The following DLG4 variants were observed in gnomAD, a reference collection of about 807,000 sequenced individuals.
DLG4 encodes the protein discs large MAGUK scaffold protein 4.
In DLG4, 7 loss-of-function variants were observed where a neutral mutation model predicts 93.8. The ratio of observed to expected loss-of-function variants is 0.07; its 90% CI spans 0.04 to 0.14. The LOEUF (loss-of-function observed/expected upper bound fraction) is 0.14, where lower values mean the gene tolerates loss of function less well. Among genes scored for constraint, DLG4 ranks in the 10% least tolerant of loss-of-function variants. The pLI, the probability that DLG4 is intolerant of heterozygous loss-of-function variation, is 1.00. For missense variants in DLG4, 545 were observed against 992.9 expected (o/e 0.55, Z 6.06); for synonymous variants, 341 against 387.6 (o/e 0.88, Z 1.41).
Position 7,194,127 on chromosome 17 carries a change from T to G in DLG4, c.1479-127A>C. ...GCTGACACCCCTTCTCCTGCAGCCCTGGACACTGTGCTCCTCAATAAGGAG... is the reference window on the plus strand; with the variant it reads ...GCTGACACCCCTTCTCCTGCAGCCCGGGACACTGTGCTCCTCAATAAGGAG... On this transcript the variant is annotated intron_variant, in intron 12 of 19. Coordinates refer to ENST00000399506, the MANE Select transcript of DLG4 (RefSeq NM_001321075.3). The surrounding 1 kb of genome is among the most constrained non-coding windows in gnomAD (Gnocchi z 4.4). 7.3e-7 allele frequency: 1 copy of G among 1,368,752 alleles called. No homozygotes were observed. Among genetic ancestry groups the G allele is most frequent in the Non-Finnish European group, 1.0e-6 (1 of 1,002,008 alleles). The allele number at this position is 1,368,752 out of a possible 1,614,324, so 84.8% of individuals were successfully genotyped here. A position where few individuals can be genotyped will look rare whatever the true frequency, so the allele number is the denominator to read the frequency against.
Position 7,187,311 on chromosome 17 carries a change from G to A in DLG4, c.*3397C>T, listed in dbSNP as rs890330666. 1.6e-5 allele frequency among the ~76,000 whole-genome samples: 2 copies of A among 125,574 alleles called. 1 individual carries two copies. The highest frequency in any genetic ancestry group is 3.7e-5 in the Non-Finnish European group (2 of 53,880). The allele number at this position is 125,574 out of a possible 152,430, so 82.4% of individuals were successfully genotyped here. A position where few individuals can be genotyped will look rare whatever the true frequency, so the allele number is the denominator to read the frequency against. ...TCCTAGCACTTTGGGAGGCCGAGGG[G>A]GGGGGGGGTGGATCACCCGAGGTCA... is the stretch of plus-strand genomic sequence containing the variant. On this transcript the variant is annotated 3_prime_UTR_variant, in exon 20 of 20. Coordinates refer to ENST00000399506, the MANE Select transcript of DLG4 (RefSeq NM_001321075.3).
At chr17:7,205,250 G>A (rs1484331457) in intron 2 of DLG4, 5 of 871,776 alleles carry the variant, frequency 5.7e-6, no homozygotes, top group African/African-American at 1.8e-5. Context: ...CACTTCATTC[G>A]GGAAAGGGTT....
intron 3 of DLG4, 51 bp from the exon 4 acceptor site, chr17:7,204,118 C>T (rs766176537): frequency 7.5e-6 from 12 of 1,599,066 alleles, no homozygotes; most frequent in Non-Finnish European, 1.0e-5. Context: ...CCTGTCTGAC[C>T]ACCTGCCCGT....
intron 1 of DLG4, among the ~76,000 whole-genome samples, chr17:7,210,264 G>T (rs530513401): frequency 3.9e-5 from 6 of 152,188 alleles, no homozygotes; most frequent in Non-Finnish European, 8.8e-5. Context: ...TACAGTAAGA[G>T]AATGGGAGAA....
At chr17:7,219,167 G>A, upstream of DLG4, 1 of 409,316 alleles carries the variant, frequency 2.4e-6, no homozygotes, top group African/African-American at 2.0e-5. Context: ...ACCCCAATGA[G>A]AATTGCAGAA....
At chr17:7,218,586 G>C, upstream of DLG4, 3 of 1,566,966 alleles carry the variant, frequency 1.9e-6, no homozygotes. Flanking sequence ...GTGAGGAGTG[G>C]GGGTGCCCAC....
chr17:7,218,980 C>A, upstream of DLG4: 1 of 944,226 alleles, frequency 1.1e-6, no homozygotes, highest in South Asian at 1.4e-5. Flanking sequence ...CCCCCAGGTC[C>A]CAAGGCACCA....
At chr17:7,215,551 G>T (rs2070873650) in intron 1 of DLG4, among the ~76,000 whole-genome samples, 1 of 152,182 alleles carries the variant, frequency 6.6e-6, no homozygotes, top group African/African-American at 2.4e-5. Context: ...AGGAAACCAG[G>T]CCAGAGAAAC....
chr17:7,196,899 A>G lies in DLG4; in HGVS notation c.941T>C (p.Ile314Thr), dbSNP rs761560906. 12 of 1,613,628 alleles carry G rather than the reference A, an allele frequency of 7.4e-6. No homozygotes were observed. Among genetic ancestry groups the G allele is most frequent in the Admixed American group, 3.3e-5 (2 of 59,974 alleles). ...EEDIPREPRR[I>T]VIHRGSTGLG... ...GCCCGTGGAGCCCCGGTGGATCACA[A>G]TTCGCCTCGGTTCTCGGGGAATGTC... Residue 314 changes from isoleucine to threonine, a missense_variant, in exon 9 of 20, where the codon ATT becomes ACT. By Grantham distance (89) the Ile-to-Thr change is moderately conservative. This residue lies in a region of DLG4 where 428 missense variants were observed against 741.4 expected (regional missense o/e 0.58). Transcript: ENST00000399506. This position sits in a 1 kb window ranked among gnomAD's most constrained non-coding sequence, Gnocchi z 8.3.
At chr17:7,216,773 C>T (rs937754178) in intron 1 of DLG4, among the ~76,000 whole-genome samples, 5 of 152,012 alleles carry the variant, frequency 3.3e-5, no homozygotes, top group African/African-American at 1.2e-4. Context: ...ACATAGCCCA[C>T]CTTCCCACAT....
intron 17 of DLG4, 170 bp from the exon 18 acceptor site, chr17:7,192,172 T>A (rs987016689): frequency 4.3e-6 from 2 of 467,558 alleles, no homozygotes; most frequent in Non-Finnish European, 7.6e-6. Context: ...GAAGCGGGTA[T>A]GGACAGAGTA....
At position 7,189,132 on chromosome 17, in the gene DLG4, G is replaced by C. The variant is rs996475713; in HGVS notation, c.*1576C>G. 1.5e-5 allele frequency among the ~76,000 whole-genome samples: 2 copies of C among 135,500 alleles called. No homozygotes were observed. Among genetic ancestry groups the C allele is most frequent in the African/African-American group, 3.3e-5 (1 of 30,526 alleles). 88.9% of individuals were successfully genotyped at this position (135,500 alleles called of 152,430 possible). A position where few individuals can be genotyped will look rare whatever the true frequency, so the allele number is the denominator to read the frequency against. On this transcript the variant is annotated 3_prime_UTR_variant, in exon 20 of 20. Transcript: ENST00000399506. ...GTCTCAAAAAAAAAAAAAAAAGGGT[G>C]GGGGGGGCGCATAAAGAAACCTAGC...
upstream of DLG4, chr17:7,218,979 C>A: frequency 1.1e-6 from 1 of 951,466 alleles, no homozygotes; most frequent in Non-Finnish European, 1.6e-6. Context: ...TCCCCCAGGT[C>A]CCAAGGCACC....
rs765823538 is a variant in DLG4, at chr17:7,190,488, C to A, written c.*220G>T. ...TCGGAACAAGGAGCCCAGCTCCCCC[C>A]CAGACCCCAGGTTCCTGGCGTTCAG... On this transcript the variant is annotated 3_prime_UTR_variant, in exon 20 of 20. Transcript: ENST00000399506. 2.0e-5 allele frequency: 11 copies of A among 559,384 alleles called. No individual in the cohort carries two copies. The highest frequency in any genetic ancestry group is 4.2e-5 in the South Asian group (2 of 47,252). 34.7% of individuals were successfully genotyped at this position (559,384 alleles called of 1,614,324 possible).
intron 2 of DLG4, chr17:7,204,474 G>A (rs1567542994): frequency 2.0e-6 from 1 of 495,936 alleles, no homozygotes; most frequent in Non-Finnish European, 3.5e-6. Flanking sequence ...CACGCGCAAG[G>A]ATCTAACTCT....
chr17:7,217,150 T>G lies in DLG4; in HGVS notation c.-3A>C. 1.5e-6 allele frequency: 2 copies of G among 1,291,004 alleles called. No homozygotes were observed. Among genetic ancestry groups the G allele is most frequent in the Non-Finnish European group, 2.0e-6 (2 of 1,015,986 alleles). 80.0% of individuals were successfully genotyped at this position (1,291,004 alleles called of 1,614,324 possible). Reference sequence around the variant, plus strand: ...GTCACTATACAGAGACAGTCCATGTTGGGGGGCCTGGCCGCGGCGGCGGGT... The same window carrying G: ...GTCACTATACAGAGACAGTCCATGTGGGGGGGCCTGGCCGCGGCGGCGGGT... On this transcript the variant is annotated 5_prime_UTR_variant, in exon 1 of 20. Coordinates refer to ENST00000399506, the MANE Select transcript of DLG4 (RefSeq NM_001321075.3).
intron 1 of DLG4, among the ~76,000 whole-genome samples, chr17:7,211,204 A>G (rs2070692819): frequency 6.6e-6 from 1 of 151,490 alleles, no homozygotes; most frequent in Non-Finnish European, 1.5e-5. Context: ...AGCACCTCTC[A>G]GTCTTGGATT....
rs1391834140 is a variant in DLG4 at position 7,188,452 on chromosome 17, A to G, written c.*2256T>C. On this transcript the variant is annotated 3_prime_UTR_variant, in exon 20 of 20. Transcript: ENST00000399506. ...CCTCTGCCTCAGCCTTACCCACTGG[A>G]GCACCTGAGAATCAGAGAAAGGAAT... Among the ~76,000 whole-genome samples the G allele has an allele frequency of 6.6e-6, 1 of 152,098 alleles. No individual in the cohort carries two copies. Among genetic ancestry groups the G allele is most frequent in the Non-Finnish European group, 1.5e-5 (1 of 68,014 alleles).
chr17:7,202,520 C>T (rs1249722960), intron 8 of DLG4, among the ~76,000 whole-genome samples: 1 of 152,204 alleles, frequency 6.6e-6, no homozygotes, highest in Admixed American at 6.5e-5. Context: ...TATTCAGAAG[C>T]AAAACGGGTC....
Sources: allele counts gnomAD v4.1 joint callset (sites outside exome capture counted in the v4.1 genomes callset), GRCh38; gene constraint gnomAD v4.1.1; regional missense constraint gnomAD v4.1.1; non-coding constraint Gnocchi (gnomAD v3.1); transcripts MANE v1.5; gene names NCBI Gene and HGNC (gene_info 2026-07-23, HGNC 2026-07-21).